The following PTPRG variants were observed in gnomAD, a reference collection of about 807,000 sequenced individuals.
The protein encoded by PTPRG is receptor-type tyrosine-protein phosphatase gamma.
In PTPRG, 102 loss-of-function variants were observed where a neutral mutation model predicts 165.3. The ratio of observed to expected loss-of-function variants is 0.62; its 90% CI spans 0.53 to 0.73. The LOEUF is 0.73. PTPRG is among the 30% of genes least tolerant of loss of function. PTPRG has a pLI of 0.00. For synonymous variants in PTPRG, 675 were observed against 669.5 expected (o/e 1.01, Z -0.13); for missense variants, 1,866 against 1,861.4 (o/e 1.00, Z -0.05).
chr3:62,156,628 G>C (rs900744351), intron 6 of PTPRG, among the ~76,000 whole-genome samples: 19 of 152,094 alleles, frequency 1.2e-4, no homozygotes, highest in Admixed American at 4.6e-4. Flanking sequence ...GTGTCCCAAA[G>C]TTTGTTCCAC....
At chr3:61,852,752 C>T (rs901801891) in intron 2 of PTPRG, among the ~76,000 whole-genome samples, 1 of 152,076 alleles carries the variant, frequency 6.6e-6, no homozygotes, top group Non-Finnish European at 1.5e-5. Flanking sequence ...AGATCCTGAG[C>T]TTTGAGGGCC....
chr3:61,952,342 T>C (rs895598024), intron 2 of PTPRG, among the ~76,000 whole-genome samples: 1 of 151,874 alleles, frequency 6.6e-6, no homozygotes, highest in Non-Finnish European at 1.5e-5. Context: ...GAGCTGGGAG[T>C]GACAAGCCAT....
chr3:61,782,074 G>T (rs2034564190), intron 2 of PTPRG, among the ~76,000 whole-genome samples: 1 of 151,976 alleles, frequency 6.6e-6, no homozygotes, highest in Non-Finnish European at 1.5e-5. Context: ...TCATTGAATG[G>T]GTATAATCCC....
chr3:62,095,084 C>T (rs1354904424), intron 5 of PTPRG, among the ~76,000 whole-genome samples: 1 of 152,162 alleles, frequency 6.6e-6, no homozygotes, highest in Non-Finnish European at 1.5e-5. Context: ...TAAAATCAGC[C>T]TGGATACCCA....
At position 61,949,729 on chromosome 3, in the gene PTPRG, G is replaced by GT. The variant is rs200304116; in HGVS notation, c.191-39882dup. On this transcript the variant is annotated intron_variant, in intron 2 of 29. Transcript: ENST00000474889. The stretch of plus-strand genomic sequence containing the variant: ...TGTTTTTAAAGCCTTTGGATTCTTT[G>GT]TTTTTTTTTTTTTTGTTTGTTTGTT... 7.1e-3 allele frequency among the ~76,000 whole-genome samples: 1,019 copies of GT among 143,480 alleles called. 8 individuals are homozygous for GT. Among genetic ancestry groups the GT allele is most frequent in the Middle Eastern group, 0.011 (3 of 282 alleles). 94.1% of individuals were successfully genotyped at this position (143,480 alleles called of 152,430 possible).
At chr3:61,853,216 A>G (rs6792064) in intron 2 of PTPRG, among the ~76,000 whole-genome samples, 18,367 of 152,210 alleles carry the variant, frequency 0.12, 1,900 homozygotes, top group African/African-American at 0.28. Context: ...AATTTTAGAG[A>G]AGGTGTGTGC....
intron 5 of PTPRG, among the ~76,000 whole-genome samples, chr3:62,098,335 G>C (rs1702183567): frequency 6.6e-6 from 1 of 152,118 alleles, no homozygotes; most frequent in Non-Finnish European, 1.5e-5. Context: ...ATTGTATTAG[G>C]TATTATAAGT....
At chr3:62,040,206 T>C (rs1299051651) in intron 4 of PTPRG, among the ~76,000 whole-genome samples, 2 of 152,220 alleles carry the variant, frequency 1.3e-5, no homozygotes, top group African/African-American at 4.8e-5. Flanking sequence ...TATTTATATT[T>C]CACATACCAA....
intron 1 of PTPRG, among the ~76,000 whole-genome samples, chr3:61,608,175 T>C (rs1042549101): frequency 1.2e-5 from 1 of 85,636 alleles, no homozygotes; most frequent in South Asian, 8.0e-4. Context: ...CATCCATTTC[T>C]ATCTTCCTTC....
In PTPRG at chr3:62,296,833, A is replaced by G. The variant is rs1436702686; in HGVS notation, c.*3526A>G. ...TCTTAGCTGTTAAACTGTTTTTAGTATTTTTGTTAAATATTTGCAAAGGGA... is the reference window on the plus strand; with the variant it reads ...TCTTAGCTGTTAAACTGTTTTTAGTGTTTTTGTTAAATATTTGCAAAGGGA... On this transcript the variant is annotated 3_prime_UTR_variant, in exon 30 of 30. Coordinates refer to ENST00000474889, the MANE Select transcript of PTPRG (RefSeq NM_002841.4). The G allele has an allele frequency of 6.6e-6, 1 of 151,996 alleles. No individual in the cohort carries two copies. The highest frequency in any genetic ancestry group is 1.5e-5 in the Non-Finnish European group (1 of 67,952). 9.4% of individuals were successfully genotyped at this position (151,996 alleles called of 1,614,324 possible).
At chr3:61,789,307 G>A (rs1383570856) in intron 2 of PTPRG, among the ~76,000 whole-genome samples, 1 of 152,014 alleles carries the variant, frequency 6.6e-6, no homozygotes, top group African/African-American at 2.4e-5. Context: ...TCCCTGTGTT[G>A]CCCAGGCTGG....
chr3:61,827,683 G>A (rs1397184813), intron 2 of PTPRG, among the ~76,000 whole-genome samples: 1 of 152,012 alleles, frequency 6.6e-6, no homozygotes, highest in Non-Finnish European at 1.5e-5. Context: ...ATACTGGGAA[G>A]GCCCAATATT....
At chr3:62,121,038 G>A (rs1276458199) in intron 5 of PTPRG, among the ~76,000 whole-genome samples, 2 of 151,786 alleles carry the variant, frequency 1.3e-5, no homozygotes, top group South Asian at 2.1e-4. Context: ...TGTGCCCCCC[G>A]GGTTCATGCC....
chr3:61,692,313 G>C (rs1266576755), intron 1 of PTPRG, among the ~76,000 whole-genome samples: 1 of 152,062 alleles, frequency 6.6e-6, no homozygotes, highest in Non-Finnish European at 1.5e-5. Context: ...TTTGAGCTGG[G>C]GTTTTTCAGC....
At chr3:61,714,059 C>G (rs953582048) in intron 1 of PTPRG, among the ~76,000 whole-genome samples, 2 of 152,090 alleles carry the variant, frequency 1.3e-5, no homozygotes, top group Non-Finnish European at 2.9e-5. Flanking sequence ...TCTCCAAAAT[C>G]CTTTCTAATA....
At chr3:62,138,781 C>T (rs556223168) in intron 6 of PTPRG, among the ~76,000 whole-genome samples, 31 of 148,864 alleles carry the variant, frequency 2.1e-4, no homozygotes, top group South Asian at 1.7e-3. Context: ...CTCGTCCTTT[C>T]GGCTAAGATC....
At chr3:62,292,173 A>T (rs1702921157) in intron 28 of PTPRG, among the ~76,000 whole-genome samples, 1 of 152,000 alleles carries the variant, frequency 6.6e-6, no homozygotes. Context: ...TGAACCTCTC[A>T]TTTCCTATTA....
intron 12 of PTPRG, among the ~76,000 whole-genome samples, chr3:62,216,822 C>T (rs1700522537): frequency 6.6e-6 from 1 of 152,212 alleles, no homozygotes; most frequent in Non-Finnish European, 1.5e-5. Flanking sequence ...GGGTCCTCCT[C>T]CCTCTCATTC....
At chr3:61,712,001 C>A (rs2031581806) in intron 1 of PTPRG, among the ~76,000 whole-genome samples, 1 of 148,826 alleles carries the variant, frequency 6.7e-6, no homozygotes, top group Non-Finnish European at 1.5e-5. Context: ...TCAAACGATT[C>A]TCCTGCCTCA....
Sources: gnomAD v4.1 joint callset for allele counts (sites outside exome capture counted in the v4.1 genomes callset) on GRCh38, gnomAD v4.1.1 for gene constraint, MANE v1.5 for transcripts, NCBI Gene and HGNC (gene_info 2026-07-23, HGNC 2026-07-21) for gene names.